MKLN1: variants seen among roughly 807,000 people sequenced by gnomAD.
MKLN1 encodes muskelin 1.
Under a neutral mutation model 99.0 loss-of-function variants are expected in MKLN1, and 18 were observed. That is an observed-to-expected ratio of 0.18 (90% CI 0.13 to 0.27). MKLN1 has a LOEUF of 0.27. MKLN1 is among the 10% of genes least tolerant of loss of function. MKLN1 has a pLI of 1.00. For missense variants in MKLN1, 621 were observed against 875.9 expected, an observed-to-expected ratio of 0.71 and a Z score of 3.67; for synonymous variants, 288 against 293.2, an observed-to-expected ratio of 0.98 and a Z score of 0.18.
chr7:131,208,271 T>C (rs1388162540), intron 3 of MKLN1, among the ~76,000 whole-genome samples: 1 of 152,224 alleles, frequency 6.6e-6, no homozygotes, highest in Non-Finnish European at 1.5e-5. Flanking sequence ...CATTGTATGT[T>C]CTTTCACTGG....
intron 6 of MKLN1, among the ~76,000 whole-genome samples, chr7:131,408,126 G>A (rs945577371): frequency 1.3e-5 from 2 of 151,948 alleles, no homozygotes; most frequent in Non-Finnish European, 2.9e-5. Context: ...TGCTTAAGAT[G>A]GTGTATCTAG....
chr7:131,464,522 T>C, intron 14 of MKLN1, 114 bp downstream of exon 14: 3 of 590,322 alleles, frequency 5.1e-6, no homozygotes, highest in South Asian at 5.3e-5. Context: ...AAATACATAG[T>C]AGACATTCAA....
chr7:131,165,021 G>A (rs1355108744), intron 2 of MKLN1, among the ~76,000 whole-genome samples: 1 of 152,160 alleles, frequency 6.6e-6, no homozygotes, highest in Admixed American at 6.5e-5. Context: ...GGTACAGAAT[G>A]TGTGAGTAGT....
At chr7:131,327,479 G>T, upstream of MKLN1, 1 of 169,900 alleles carries the variant, frequency 5.9e-6, no homozygotes, top group Non-Finnish European at 1.3e-5. Flanking sequence ...TTTCCGTAAA[G>T]GACTTATAAA....
chr7:131,322,193 C>T (rs1798791417), intron 3 of MKLN1, among the ~76,000 whole-genome samples: 1 of 152,070 alleles, frequency 6.6e-6, no homozygotes. Flanking sequence ...GTAAATTTTG[C>T]AGGGAATCCA....
intron 1 of MKLN1, among the ~76,000 whole-genome samples, chr7:131,368,450 C>T (rs1800246739): frequency 6.6e-6 from 1 of 152,134 alleles, no homozygotes; most frequent in Admixed American, 6.5e-5. Flanking sequence ...ACTCACAGGT[C>T]TGTAGGCTTG....
chr7:131,326,075 C>G (rs1197912170), upstream of MKLN1, among the ~76,000 whole-genome samples: 2 of 152,154 alleles, frequency 1.3e-5, no homozygotes, highest in South Asian at 4.1e-4. Flanking sequence ...TGGAAAAGAA[C>G]AAGGACTTGA....
chr7:131,190,329 TTC>T (rs1310656117), intron 2 of MKLN1, among the ~76,000 whole-genome samples: 2 of 152,130 alleles, frequency 1.3e-5, no homozygotes, highest in Admixed American at 1.3e-4. Flanking sequence ...AGTATGTGTT[TTC>T]TCTCAGACCT....
chr7:131,342,305 G>T (rs2116731015), intron 1 of MKLN1, among the ~76,000 whole-genome samples: 1 of 152,214 alleles, frequency 6.6e-6, no homozygotes, highest in East Asian at 1.9e-4. Context: ...TGACAGTTTA[G>T]CTAGTCCTTT....
At chr7:131,159,955 G>A (rs1271503246) in intron 2 of MKLN1, among the ~76,000 whole-genome samples, 3 of 152,010 alleles carry the variant, frequency 2.0e-5, no homozygotes, top group Non-Finnish European at 4.4e-5. Flanking sequence ...GTCACAAAGC[G>A]AATGAGTAAT....
intron 3 of MKLN1, among the ~76,000 whole-genome samples, chr7:131,222,920 T>G (rs1198283755): frequency 2.0e-5 from 3 of 151,270 alleles, no homozygotes; most frequent in Non-Finnish European, 4.4e-5. Context: ...TGCGCACCTG[T>G]TATCCTAGTT....
Position 131,472,725 on chromosome 7 carries a change from C to T in MKLN1, c.2031+1781C>T, listed in dbSNP as rs190235405. On this transcript the variant is annotated intron_variant, in intron 16 of 17. Coordinates refer to ENST00000352689, the MANE Select transcript of MKLN1 (RefSeq NM_013255.5). ...CAGCACTTTGGGAGGCCGAGGCGGGCGGATCACGAGGTCAGGAGATCGAGA... is the reference window on the plus strand; with the variant it reads ...CAGCACTTTGGGAGGCCGAGGCGGGTGGATCACGAGGTCAGGAGATCGAGA... Among the ~76,000 whole-genome samples, 380 of 151,904 alleles carry T rather than the reference C, an allele frequency of 2.5e-3. 2 individuals carry two copies. The highest frequency in any genetic ancestry group is 8.6e-3 in the African/African-American group (355 of 41,446).
chr7:131,325,903 G>T (rs558130031), upstream of MKLN1, among the ~76,000 whole-genome samples: 5 of 149,520 alleles, frequency 3.3e-5, no homozygotes, highest in African/African-American at 7.3e-5. Context: ...AGAAAAGTGG[G>T]GGGGGGGTGG....
chr7:131,393,599 T>A (rs1475507563), intron 4 of MKLN1, among the ~76,000 whole-genome samples: 1 of 151,880 alleles, frequency 6.6e-6, no homozygotes, highest in Non-Finnish European at 1.5e-5. Flanking sequence ...TCACTGCAAG[T>A]GTTTTAAAAG....
rs1382160223 is a variant in MKLN1 at position 131,494,168 on chromosome 7, CTG to C, written c.*6442_*6443del. On this transcript the variant is annotated 3_prime_UTR_variant, in exon 18 of 18. Transcript: ENST00000352689. ...TAATTATATGTCATCCCAAGGGTCT[CTG>C]TTAATTCTGCTTTGCCAAGCAATAA... 3 of 152,182 alleles carry C rather than the reference CTG, an allele frequency of 2.0e-5. No individual in the cohort carries two copies. The highest frequency in any genetic ancestry group is 4.4e-5 in the Non-Finnish European group (3 of 68,030). The allele number at this position is 152,182 out of a possible 1,614,324, so 9.4% of individuals were successfully genotyped here.
At chr7:131,258,471 T>TAC (rs2116531121) in intron 3 of MKLN1, among the ~76,000 whole-genome samples, 2 of 151,630 alleles carry the variant, frequency 1.3e-5, no homozygotes, top group African/African-American at 4.8e-5. Context: ...AAGAACGCTT[T>TAC]ACAGTTCCTT....
intron 3 of MKLN1, among the ~76,000 whole-genome samples, chr7:131,251,093 A>ATG (rs34359037): frequency 0.044 from 6,463 of 146,190 alleles, 182 homozygotes; most frequent in South Asian, 0.075. Context: ...TGGGGCCCAG[A>ATG]TGTGTGTGTG....
chr7:131,385,485 G>T lies in MKLN1; in HGVS notation c.169-1635G>T, dbSNP rs560321865. ...ACCGTTTTACATTCCTGCCAGCAAT[G>T]CATGAGAGTTCCAGTTTCTTTACAT... On this transcript the variant is annotated intron_variant, in intron 2 of 17. Transcript: ENST00000352689. Among the ~76,000 whole-genome samples, 7 of 152,200 alleles carry T rather than the reference G, an allele frequency of 4.6e-5. No homozygotes were observed. In the South Asian group the frequency reaches 1.5e-3, roughly 32 times the overall value.
intron 3 of MKLN1, among the ~76,000 whole-genome samples, chr7:131,270,861 C>T (rs1563273937): frequency 6.7e-6 from 1 of 148,392 alleles, no homozygotes; most frequent in South Asian, 2.1e-4. Flanking sequence ...CTTGAATCAC[C>T]TTTTTTTTTT....
Sources: gnomAD v4.1 joint callset for allele counts (sites outside exome capture counted in the v4.1 genomes callset) on GRCh38, gnomAD v4.1.1 for gene constraint, MANE v1.5 for transcripts, NCBI Gene and HGNC (gene_info 2026-07-23, HGNC 2026-07-21) for gene names.